CSMD1: variants seen among roughly 807,000 people sequenced by gnomAD.
CSMD1 encodes the protein CUB and Sushi multiple domains 1.
Under a neutral mutation model 417.5 loss-of-function variants are expected in CSMD1, and 213 were observed. The ratio of observed to expected loss-of-function variants is 0.51; its 90% CI spans 0.46 to 0.57. The LOEUF (loss-of-function observed/expected upper bound fraction) is 0.57. Among genes scored for constraint, CSMD1 ranks in the 20% least tolerant of loss-of-function variants. CSMD1 has a pLI of 0.00. For synonymous variants in CSMD1, 2,862 were observed against 1,736.8 expected, an observed-to-expected ratio of 1.65 and a Z score of -16.11; for missense variants, 6,923 against 4,529.7, an observed-to-expected ratio of 1.53 and a Z score of -15.17.
At chr8:4,384,395 C>T (rs1243099513) in intron 3 of CSMD1, among the ~76,000 whole-genome samples, 9 of 152,180 alleles carry the variant, frequency 5.9e-5, no homozygotes, top group Non-Finnish European at 1.0e-4. Context: ...ATATTAAATA[C>T]TTTTGGAAAA....
intron 42 of CSMD1, among the ~76,000 whole-genome samples, chr8:3,111,096 C>A (rs957264164): frequency 6.6e-6 from 1 of 152,152 alleles, no homozygotes; most frequent in Non-Finnish European, 1.5e-5. Flanking sequence ...ATCAAACCAA[C>A]AGCTAAGAGG....
At chr8:4,654,801 G>C (rs1397207667) in intron 1 of CSMD1, among the ~76,000 whole-genome samples, 1 of 152,074 alleles carries the variant, frequency 6.6e-6, no homozygotes, top group Non-Finnish European at 1.5e-5. Context: ...ACTTTGGAAA[G>C]TCATCTTTCA....
At chr8:3,490,492 T>A (rs966036223) in intron 11 of CSMD1, among the ~76,000 whole-genome samples, 1 of 152,230 alleles carries the variant, frequency 6.6e-6, no homozygotes, top group African/African-American at 2.4e-5. Context: ...TTTAGTGACA[T>A]CCTCTCTTAA....
intron 3 of CSMD1, among the ~76,000 whole-genome samples, chr8:4,109,920 A>G (rs1801763726): frequency 6.6e-6 from 1 of 152,180 alleles, no homozygotes; most frequent in African/African-American, 2.4e-5. Context: ...TTGGGCACAG[A>G]AAATGAAATA....
intron 10 of CSMD1, among the ~76,000 whole-genome samples, chr8:3,541,897 A>T (rs567927663): frequency 1.2e-4 from 18 of 152,110 alleles, no homozygotes; most frequent in African/African-American, 3.4e-4. Flanking sequence ...CCCCATCTCT[A>T]CTCAAAATAC....
chr8:4,670,086 C>T (rs544820070), intron 1 of CSMD1, among the ~76,000 whole-genome samples: 71 of 152,280 alleles, frequency 4.7e-4, no homozygotes, highest in Non-Finnish European at 7.9e-4. Flanking sequence ...GGTGCCCCCA[C>T]GTCCACAAGT....
intron 8 of CSMD1, among the ~76,000 whole-genome samples, chr8:3,600,249 A>G (rs1801297541): frequency 1.3e-5 from 2 of 152,138 alleles, no homozygotes; most frequent in Non-Finnish European, 2.9e-5. Context: ...CCATTAGTAT[A>G]AATAGGAAGC....
At chr8:4,889,275 C>T (rs372678831) in intron 1 of CSMD1, among the ~76,000 whole-genome samples, 3 of 152,012 alleles carry the variant, frequency 2.0e-5, no homozygotes, top group Admixed American at 6.5e-5. Context: ...AAATCCATAG[C>T]CTAAATTGAA....
chr8:3,815,447 G>C (rs1221547552), intron 5 of CSMD1, among the ~76,000 whole-genome samples: 1 of 152,122 alleles, frequency 6.6e-6, no homozygotes, highest in Non-Finnish European at 1.5e-5. Flanking sequence ...GACAGATATT[G>C]TGCCAGTCCC....
chr8:3,831,038 C>T (rs868429277), intron 5 of CSMD1, among the ~76,000 whole-genome samples: 4 of 152,024 alleles, frequency 2.6e-5, no homozygotes, highest in African/African-American at 9.7e-5. Context: ...GCTTAATGCG[C>T]GAACAGGGTT....
chr8:4,492,422 G>A (rs1038351113), intron 2 of CSMD1, among the ~76,000 whole-genome samples: 3 of 152,212 alleles, frequency 2.0e-5, no homozygotes, highest in East Asian at 1.9e-4. Context: ...GCAAAACTAC[G>A]GAAGGTGAAC....
Position 3,187,891 on chromosome 8 carries a change from T to G in CSMD1, c.5598A>C (p.Ala1866=), listed in dbSNP as rs529583741. 6.2e-7 allele frequency: 1 copy of G among 1,613,072 alleles called. No homozygotes were observed. Among genetic ancestry groups the G allele is most frequent in the Admixed American group, 1.7e-5 (1 of 59,948 alleles). Residue 1866 remains alanine, a synonymous_variant, in exon 36 of 70, where the codon GCA becomes GCC. Transcript: ENST00000635120. The stretch of plus-strand genomic sequence containing the variant: ...TACCTGAGAAGCTTCCCAGTCTGGG[T>G]GCGGTCACATCCCCACCATCGTGGA... ...LEIHDGGDVT[A]PRLGSFSGTT...
chr8:3,989,413 C>G (rs901496754), intron 5 of CSMD1, among the ~76,000 whole-genome samples: 5 of 152,154 alleles, frequency 3.3e-5, no homozygotes, highest in Non-Finnish European at 5.9e-5. Context: ...TTGCCCAACA[C>G]TCTCCAAGCT....
chr8:3,885,657 A>T (rs1050594035), intron 5 of CSMD1, among the ~76,000 whole-genome samples: 3 of 152,052 alleles, frequency 2.0e-5, no homozygotes, highest in African/African-American at 7.2e-5. Context: ...ATTCCCCCTC[A>T]TTATTCTCTC....
At chr8:4,073,664 T>C (rs908173675) in intron 3 of CSMD1, among the ~76,000 whole-genome samples, 3 of 152,150 alleles carry the variant, frequency 2.0e-5, no homozygotes, top group African/African-American at 7.2e-5. Flanking sequence ...TTCTCTGAAG[T>C]ATAGTTATAT....
chr8:4,937,606 T>C (rs1409642740), intron 1 of CSMD1, among the ~76,000 whole-genome samples: 3 of 152,170 alleles, frequency 2.0e-5, no homozygotes, highest in Non-Finnish European at 4.4e-5. Flanking sequence ...CCTAAATACC[T>C]TGGCAGTGTC....
chr8:3,875,127 G>GA (rs36046375), intron 5 of CSMD1, among the ~76,000 whole-genome samples: 39,504 of 151,894 alleles, frequency 0.26, 5,831 homozygotes, highest in African/African-American at 0.4. Context: ...ACATTGTGGG[G>GA]TTTGGAAATT....
intron 12 of CSMD1, among the ~76,000 whole-genome samples, chr8:3,420,710 T>C (rs996499602): frequency 6.6e-6 from 1 of 152,208 alleles, no homozygotes; most frequent in Non-Finnish European, 1.5e-5. Flanking sequence ...TCTTAATACC[T>C]TTGTCACGCT....
Position 3,343,427 on chromosome 8 carries a change from G to C in CSMD1, c.3498C>G (p.Ser1166=). 2 of 1,613,714 alleles carry C rather than the reference G, an allele frequency of 1.2e-6. No homozygotes were observed. The highest frequency in any genetic ancestry group is 1.7e-6 in the Non-Finnish European group (2 of 1,179,720). Residue 1166 remains serine (S), a synonymous_variant, in exon 23 of 70, where the codon TCC becomes TCG. Coordinates refer to ENST00000635120, the MANE Select transcript of CSMD1 (RefSeq NM_033225.6). Reference sequence around the variant, plus strand: ...TAGTGAACGTGCCCAGTGGACGTGAGGAACTGTCTTTTCCATCATATACCT... The same window carrying C: ...TAGTGAACGTGCCCAGTGGACGTGACGAACTGTCTTTTCCATCATATACCT... ...TLKVYDGKDS[S]SRPLGTFTKN... is the part of the protein sequence containing the mutation.
Sources: allele counts gnomAD v4.1 joint callset (sites outside exome capture counted in the v4.1 genomes callset), GRCh38; gene constraint gnomAD v4.1.1; transcripts MANE v1.5; gene names NCBI Gene and HGNC (gene_info 2026-07-23, HGNC 2026-07-21).